Variants in ATP8A2 observed in about 807,000 individuals in gnomAD.
ATP8A2 encodes ATPase phospholipid transporting 8A2.
Under a neutral mutation model 165.6 loss-of-function variants are expected in ATP8A2, and 100 were observed. The observed-to-expected ratio is 0.60, with a 90% CI of 0.51 to 0.71. ATP8A2 has a LOEUF of 0.71. ATP8A2 is among the 30% of genes least tolerant of loss of function. The probability of loss-of-function intolerance (pLI) is 0.00; values close to 1 mark genes in which losing one functional copy is unlikely to be tolerated. For missense variants in ATP8A2, 1,227 were observed against 1,479.5 expected, an observed-to-expected ratio of 0.83 and a Z score of 2.80; for synonymous variants, 543 against 548.8, an observed-to-expected ratio of 0.99 and a Z score of 0.15.
At chr13:25,530,773 C>T in intron 4 of ATP8A2, 113 bp downstream of exon 4, 1 of 656,800 alleles carries the variant, frequency 1.5e-6, no homozygotes, top group Admixed American at 2.6e-5. Context: ...TAACCAGCCT[C>T]TTTAGACACC....
In ATP8A2 at chr13:25,460,386, T is replaced by C. The variant is rs549346912; in HGVS notation, c.77-8591T>C. Among the ~76,000 whole-genome samples the C allele has an allele frequency of 2.6e-5, 4 of 152,218 alleles. No homozygotes were observed. In the South Asian group the frequency reaches 8.3e-4, roughly 32 times the overall value. ...GCCAGTGTTGGGGTCCTACGAGCAA[T>C]GGAGAATGTCTATCCTAGCAACAGA... On this transcript the variant is annotated intron_variant, in intron 1 of 36. Coordinates refer to ENST00000381655, the MANE Select transcript of ATP8A2 (RefSeq NM_016529.6).
chr13:26,006,375 T>C (rs955313335), intron 35 of ATP8A2, among the ~76,000 whole-genome samples: 11 of 152,102 alleles, frequency 7.2e-5, no homozygotes, highest in African/African-American at 2.7e-4. Context: ...CCTGCAACTT[T>C]ACTGAGTTTA....
chr13:25,728,062 C>A (rs1285070617), intron 25 of ATP8A2, among the ~76,000 whole-genome samples: 7 of 152,160 alleles, frequency 4.6e-5, no homozygotes, highest in Non-Finnish European at 1.0e-4. Context: ...CCTTCCTGCC[C>A]TCAGCTTGCA....
chr13:25,641,764 A>G (rs2041528240), intron 24 of ATP8A2, among the ~76,000 whole-genome samples: 1 of 151,976 alleles, frequency 6.6e-6, no homozygotes, highest in South Asian at 2.1e-4. Flanking sequence ...TTTAAAGTTC[A>G]TATGGAACCA....
intron 25 of ATP8A2, 47 bp downstream of exon 25, chr13:25,699,392 A>G: frequency 1.4e-6 from 2 of 1,423,780 alleles, no homozygotes; most frequent in Non-Finnish European, 1.9e-6. Context: ...CTGTGTCTGT[A>G]TCCCGTGCTT....
chr13:25,779,338 GT>G lies in ATP8A2; in HGVS notation c.2679+4381del, dbSNP rs1208057575. On this transcript the variant is annotated intron_variant, in intron 27 of 36. Transcript: ENST00000381655. ...ATTTCTCAGAAGGTAAAATCCTGTT[GT>G]TGTCTAGAATGCTCAGAGCTTCAGA... Among the ~76,000 whole-genome samples the G allele has an allele frequency of 5.7e-5, 7 of 123,568 alleles. No individual in the cohort carries two copies. In the East Asian group the frequency reaches 1.7e-3, roughly 29 times the overall value. The allele number at this position is 123,568 out of a possible 152,430, so 81.1% of individuals were successfully genotyped here. A position where few individuals can be genotyped will look rare whatever the true frequency, so the allele number is the denominator to read the frequency against.
intron 24 of ATP8A2, among the ~76,000 whole-genome samples, chr13:25,676,289 CT>C (rs1200105151): frequency 6.6e-6 from 1 of 152,104 alleles, no homozygotes; most frequent in Non-Finnish European, 1.5e-5. Context: ...GAGCTAGATT[CT>C]TTTTTCCCTC....
At chr13:25,934,250 A>G (rs1238178097) in intron 33 of ATP8A2, among the ~76,000 whole-genome samples, 1 of 152,224 alleles carries the variant, frequency 6.6e-6, no homozygotes, top group Non-Finnish European at 1.5e-5. Context: ...TGTAGAAAAC[A>G]GCTTCCCTTT....
chr13:25,520,861 G>A (rs1359794401), intron 2 of ATP8A2, among the ~76,000 whole-genome samples: 2 of 152,088 alleles, frequency 1.3e-5, no homozygotes, highest in Admixed American at 6.5e-5. Flanking sequence ...TGGTCTGCCC[G>A]CCTTGGCCTC....
chr13:25,574,689 G>A (rs1457050134), intron 18 of ATP8A2, 119 bp from the exon 19 acceptor site: 1 of 730,524 alleles, frequency 1.4e-6, no homozygotes, highest in Admixed American at 2.1e-5. Flanking sequence ...TGTTGCAAAG[G>A]GCTAGAAGGT....
intron 35 of ATP8A2, among the ~76,000 whole-genome samples, chr13:25,972,604 T>C (rs373911577): frequency 2.2e-4 from 34 of 152,288 alleles, no homozygotes; most frequent in African/African-American, 8.2e-4. Context: ...AATCCCTACC[T>C]GGGGAAGCAG....
At chr13:25,801,392 C>T (rs138935131) in intron 27 of ATP8A2, among the ~76,000 whole-genome samples, 9 of 152,300 alleles carry the variant, frequency 5.9e-5, no homozygotes, top group East Asian at 5.8e-4. Flanking sequence ...TATTGCCCCA[C>T]GGTTCTGGCC....
intron 1 of ATP8A2, among the ~76,000 whole-genome samples, chr13:25,385,334 G>T: frequency 6.6e-6 from 1 of 152,094 alleles, no homozygotes; most frequent in Non-Finnish European, 1.5e-5. Flanking sequence ...TTTGATCCTG[G>T]CACTTACTAG....
At chr13:25,891,317 C>CTTTTG (rs201576551) in intron 33 of ATP8A2, among the ~76,000 whole-genome samples, 17,904 of 151,828 alleles carry the variant, frequency 0.12, 1,401 homozygotes, top group Non-Finnish European at 0.18. Flanking sequence ...AGACCTGAGC[C>CTTTTG]TTTTGTTTTG....
chr13:25,567,495 G>A, intron 16 of ATP8A2: 1 of 427,666 alleles, frequency 2.3e-6, no homozygotes, highest in Admixed American at 2.5e-5. Flanking sequence ...ATTGAGAGTA[G>A]GGACAGGTGC....
At chr13:25,842,611 G>A (rs1425448816) in intron 30 of ATP8A2, among the ~76,000 whole-genome samples, 2 of 151,764 alleles carry the variant, frequency 1.3e-5, no homozygotes, top group Non-Finnish European at 1.5e-5. Flanking sequence ...GGTGGAGGTT[G>A]CAGTGAGCCA....
intron 33 of ATP8A2, among the ~76,000 whole-genome samples, chr13:25,956,308 T>C (rs1250663129): frequency 6.6e-6 from 1 of 152,308 alleles, no homozygotes; most frequent in African/African-American, 2.4e-5. Flanking sequence ...GGTATTCAAA[T>C]AGGAAGAGAA....
At chr13:25,829,086 C>A (rs2138605907) in intron 28 of ATP8A2, among the ~76,000 whole-genome samples, 1 of 152,254 alleles carries the variant, frequency 6.6e-6, no homozygotes, top group East Asian at 1.9e-4. Context: ...GCTTTCACCC[C>A]CCTTTATTGA....
chr13:25,942,492 GGCTCACTGCCACATCT>G (rs1328289767), intron 33 of ATP8A2, among the ~76,000 whole-genome samples: 2 of 152,006 alleles, frequency 1.3e-5, no homozygotes, highest in African/African-American at 4.8e-5. Context: ...GCATGATCTT[GGCTCACTGCCACATCT>G]GCCTCCCGGG....
Sources: gnomAD v4.1 joint callset for allele counts (sites outside exome capture counted in the v4.1 genomes callset) on GRCh38, gnomAD v4.1.1 for gene constraint, MANE v1.5 for transcripts, NCBI Gene and HGNC (gene_info 2026-07-23, HGNC 2026-07-21) for gene names.